The following ERICH6B variants were observed in gnomAD, a reference collection of about 807,000 sequenced individuals.
ERICH6B encodes the protein glutamate rich 6B.
ERICH6B carries 69 observed loss-of-function variants against 80.0 expected under a neutral mutation model. The observed-to-expected ratio is 0.86, with a 90% CI of 0.71 to 1.05. The LOEUF is 1.05. Ranked by LOEUF, ERICH6B falls within the 50% of genes least tolerant of loss-of-function variation. The pLI is 0.00. For missense variants in ERICH6B, 754 were observed against 796.1 expected (o/e 0.95, Z 0.64); for synonymous variants, 283 against 291.9 (o/e 0.97, Z 0.31).
chr13:45,562,656 GA>G (rs1287777629), intron 10 of ERICH6B, among the ~76,000 whole-genome samples: 2 of 152,210 alleles, frequency 1.3e-5, no homozygotes, highest in Non-Finnish European at 2.9e-5. Flanking sequence ...AGGCTTCCAT[GA>G]GAGCTCATGG....
intron 8 of ERICH6B, among the ~76,000 whole-genome samples, chr13:45,570,635 G>A (rs1199963120): frequency 2.0e-5 from 3 of 152,210 alleles, no homozygotes; most frequent in Non-Finnish European, 4.4e-5. Flanking sequence ...GCAGCCGCAG[G>A]TTCTGTGTGG....
intron 9 of ERICH6B, among the ~76,000 whole-genome samples, chr13:45,564,453 G>A (rs1310690374): frequency 6.6e-6 from 1 of 152,204 alleles, no homozygotes; most frequent in Non-Finnish European, 1.5e-5. Flanking sequence ...AGCTTCCCAG[G>A]CTTAATTGGA....
intron 11 of ERICH6B, among the ~76,000 whole-genome samples, chr13:45,559,109 A>C (rs113580843): frequency 0.095 from 14,395 of 152,156 alleles, 1,996 homozygotes; most frequent in African/African-American, 0.3. Flanking sequence ...CAGGGTATCT[A>C]ATTCTTCCTG....
At chr13:45,562,095 C>T (rs1874708958) in intron 10 of ERICH6B, among the ~76,000 whole-genome samples, 2 of 152,248 alleles carry the variant, frequency 1.3e-5, no homozygotes, top group Admixed American at 6.5e-5. Flanking sequence ...CAGAATCTTG[C>T]TCTGTCGCCC....
At chr13:45,560,117 C>G (rs994457360) in intron 11 of ERICH6B, among the ~76,000 whole-genome samples, 2 of 152,164 alleles carry the variant, frequency 1.3e-5, no homozygotes, top group Non-Finnish European at 2.9e-5. Flanking sequence ...GGCCTTTTAT[C>G]ATTATATAAT....
In ERICH6B at chr13:45,550,205, G is replaced by T; in HGVS notation, c.1493+26C>A. 1.9e-6 allele frequency: 3 copies of T among 1,544,460 alleles called. No homozygotes were observed. In the South Asian group the frequency reaches 3.6e-5, roughly 18 times the overall value. ...TTTAGGTGCCAATATATGTCAATAC[G>T]AGCATCCCTGTGCTTCTGTGGATAC... On this transcript the variant is annotated intron_variant, in intron 12 of 14. Coordinates refer to ENST00000298738, the MANE Select transcript of ERICH6B (RefSeq NM_182542.3).
intron 2 of ERICH6B, among the ~76,000 whole-genome samples, chr13:45,605,281 T>G (rs146538225): frequency 6.6e-6 from 1 of 152,362 alleles, no homozygotes; most frequent in African/African-American, 2.4e-5. Flanking sequence ...AGCATCAATA[T>G]CACATGGACT....
intron 5 of ERICH6B, among the ~76,000 whole-genome samples, chr13:45,585,913 C>T (rs1011657244): frequency 7.2e-5 from 11 of 152,214 alleles, no homozygotes; most frequent in Admixed American, 4.6e-4. Context: ...TGAACAGGCT[C>T]GAGTCCCCTC....
intron 5 of ERICH6B, among the ~76,000 whole-genome samples, chr13:45,585,487 G>C (rs924936772): frequency 6.6e-6 from 1 of 152,088 alleles, no homozygotes; most frequent in African/African-American, 2.4e-5. Context: ...CAGACAGAAG[G>C]GGAGAGAAAA....
At chr13:45,607,684 T>A (rs932817406) in intron 1 of ERICH6B, 69 bp from the exon 2 acceptor site, 1 of 152,272 alleles carries the variant, frequency 6.6e-6, no homozygotes, top group African/African-American at 2.4e-5. Context: ...TTCTTAGTAA[T>A]GCTGGAAAAT....
chr13:45,571,867 C>G (rs962694332), intron 8 of ERICH6B, among the ~76,000 whole-genome samples: 67 of 152,252 alleles, frequency 4.4e-4, no homozygotes, highest in African/African-American at 1.6e-3. Flanking sequence ...CTCTGCAAGT[C>G]ATGGAGAGAT....
At chr13:45,603,701 C>T (rs767892987) in intron 2 of ERICH6B, among the ~76,000 whole-genome samples, 9 of 152,172 alleles carry the variant, frequency 5.9e-5, no homozygotes, top group Non-Finnish European at 1.2e-4. Context: ...TGCCCCACTG[C>T]CCTGGGTCCT....
chr13:45,549,857 G>A, intron 13 of ERICH6B, 36 bp downstream of exon 13: 3 of 1,538,274 alleles, frequency 2.0e-6, no homozygotes, highest in Non-Finnish European at 2.6e-6. Context: ...GCTTCTCCAT[G>A]GGCAGGAGTG....
chr13:45,560,445 T>C (rs1275377424), intron 11 of ERICH6B, among the ~76,000 whole-genome samples: 1 of 152,200 alleles, frequency 6.6e-6, no homozygotes, highest in East Asian at 1.9e-4. Flanking sequence ...TTATAATTGG[T>C]GAACCTACAC....
chr13:45,603,562 G>T (rs3014941), intron 2 of ERICH6B, among the ~76,000 whole-genome samples: 2,200 of 152,118 alleles, frequency 0.014, 62 homozygotes, highest in Admixed American at 0.073. Flanking sequence ...TTCCTAACAT[G>T]CCAGGTGCTG....
At chr13:45,572,185 C>T (rs1415129387) in intron 8 of ERICH6B, among the ~76,000 whole-genome samples, 1 of 152,204 alleles carries the variant, frequency 6.6e-6, no homozygotes, top group Non-Finnish European at 1.5e-5. Context: ...CCTCACCCTA[C>T]AAATGTACCC....
chr13:45,541,313 T>C lies in ERICH6B; in HGVS notation c.*149A>G, dbSNP rs540352110. 341 of 680,168 alleles carry C rather than the reference T, an allele frequency of 5.0e-4. 1 individual carries two copies. Among genetic ancestry groups the C allele is most frequent in the Non-Finnish European group, 7.4e-5 (30 of 405,914 alleles). The allele number at this position is 680,168 out of a possible 1,614,324, so 42.1% of individuals were successfully genotyped here. A position where few individuals can be genotyped will look rare whatever the true frequency, so the allele number is the denominator to read the frequency against. On this transcript the variant is annotated 3_prime_UTR_variant, in exon 15 of 15. Coordinates refer to ENST00000298738, the MANE Select transcript of ERICH6B (RefSeq NM_182542.3). Reference sequence around the variant, plus strand: ...ACTCTGTTAGCCCTTCTGCCAAAAATGTTTACTTCAAATCAAGGAGCCACG... The same window carrying C: ...ACTCTGTTAGCCCTTCTGCCAAAAACGTTTACTTCAAATCAAGGAGCCACG...
Position 45,577,276 on chromosome 13 carries a change from CTTTTTTTTTTT to C in ERICH6B, c.962-2357_962-2347del, listed in dbSNP as rs34244794. Among the ~76,000 whole-genome samples the C allele has an allele frequency of 2.5e-3, 214 of 86,094 alleles. 4 individuals carry two copies. Among genetic ancestry groups the C allele is most frequent in the East Asian group, 0.024 (50 of 2,082 alleles). 56.5% of individuals were successfully genotyped at this position (86,094 alleles called of 152,430 possible). ...TCTCCTGGACTGATTAAAAACAAAT[CTTTTTTTTTTT>C]TTTTTTTTTTTTTTTGAGACGGAGT... is the stretch of plus-strand genomic sequence containing the variant. On this transcript the variant is annotated intron_variant, in intron 7 of 14. Coordinates refer to ENST00000298738, the MANE Select transcript of ERICH6B (RefSeq NM_182542.3).
At chr13:45,613,714 C>T (rs1323615489) in intron 1 of ERICH6B, among the ~76,000 whole-genome samples, 3 of 152,182 alleles carry the variant, frequency 2.0e-5, no homozygotes, top group Admixed American at 2.0e-4. Context: ...CCTGGTTCCA[C>T]ATTTGGAGTT....
Sources: allele counts gnomAD v4.1 joint callset (sites outside exome capture counted in the v4.1 genomes callset), GRCh38; gene constraint gnomAD v4.1.1; transcripts MANE v1.5; gene names NCBI Gene and HGNC (gene_info 2026-07-23, HGNC 2026-07-21).